TNS3: variants seen among roughly 807,000 people sequenced by gnomAD.
TNS3 encodes the protein tensin 3, also known as tensin-3.
In TNS3, 45 loss-of-function variants were observed where a neutral mutation model predicts 140.9. The observed-to-expected ratio is 0.32, with a 90% CI of 0.25 to 0.41. The LOEUF is 0.41. Among genes scored for constraint, TNS3 ranks in the 10% least tolerant of loss-of-function variants. The pLI is 1.00. For missense variants in TNS3, 1,716 were observed against 1,906.7 expected (o/e 0.90, Z 1.86); for synonymous variants, 815 against 788.4 (o/e 1.03, Z -0.56).
At chr7:47,329,532 A>G (rs748427093) in intron 20 of TNS3, among the ~76,000 whole-genome samples, 1 of 152,004 alleles carries the variant, frequency 6.6e-6, no homozygotes, top group Non-Finnish European at 1.5e-5. Flanking sequence ...CCTCAGGGCC[A>G]CCGCTCCGCA....
chr7:47,475,615 T>C (rs1797166785), intron 4 of TNS3, among the ~76,000 whole-genome samples: 1 of 152,186 alleles, frequency 6.6e-6, no homozygotes, highest in Non-Finnish European at 1.5e-5. Flanking sequence ...GTCCCATACA[T>C]GGCCTCGGGG....
chr7:47,564,558 C>G (rs1053308037), intron 1 of TNS3, among the ~76,000 whole-genome samples: 2 of 148,192 alleles, frequency 1.3e-5, no homozygotes, highest in Admixed American at 1.4e-4. Context: ...ATAGCTTGAA[C>G]CCAGGACGCA....
chr7:47,278,074 T>G lies in TNS3; in HGVS notation c.*2A>C. On this transcript the variant is annotated 3_prime_UTR_variant, in exon 31 of 31. Transcript: ENST00000311160. ...GGTGGGTCCAGGGAGGGAGGGGAGT[T>G]CTCAGACCTTCTTTGGGGAACCAAT... 3 of 1,613,962 alleles carry G rather than the reference T, an allele frequency of 1.9e-6. No homozygotes were observed. The highest frequency in any genetic ancestry group is 2.5e-6 in the Non-Finnish European group (3 of 1,179,916).
intron 2 of TNS3, 58 bp from the exon 3 acceptor site, chr7:47,507,002 T>C (rs1584787929): frequency 8.0e-7 from 1 of 1,252,924 alleles, no homozygotes; most frequent in Non-Finnish European, 1.0e-6. Context: ...GCAAGAATTC[T>C]TACATCTTCA....
rs183180847 is a variant in TNS3, at chr7:47,456,643, T to C, written c.-75-14588A>G. Among the ~76,000 whole-genome samples, 261 of 152,136 alleles carry C rather than the reference T, an allele frequency of 1.7e-3. 3 individuals are homozygous for C. The highest frequency in any genetic ancestry group is 5.9e-3 in the African/African-American group (243 of 41,482). ...GGAAGACAAGGCCAACAGACCCAGG[T>C]CCCCTGAAGCTGAGGAGGTAAATGA... On this transcript the variant is annotated intron_variant, in intron 4 of 30. Coordinates refer to ENST00000311160, the MANE Select transcript of TNS3 (RefSeq NM_022748.12).
chr7:47,344,663 T>A, intron 20 of TNS3, 92 bp downstream of exon 20: 1 of 1,151,970 alleles, frequency 8.7e-7, no homozygotes, highest in Non-Finnish European at 1.3e-6. Flanking sequence ...ATGGAAACAT[T>A]TCTGCATACG....
At chr7:47,551,389 G>C (rs1800057358) in intron 1 of TNS3, among the ~76,000 whole-genome samples, 1 of 152,204 alleles carries the variant, frequency 6.6e-6, no homozygotes, top group Admixed American at 6.5e-5. Flanking sequence ...TTAAGCAAAT[G>C]GGGAGACCAC....
chr7:47,440,418 G>T (rs2151569193), intron 5 of TNS3, among the ~76,000 whole-genome samples: 1 of 152,324 alleles, frequency 6.6e-6, no homozygotes, highest in African/African-American at 2.4e-5. Context: ...GTAGAATGTG[G>T]GGCTGGCCAC....
chr7:47,549,546 C>A (rs1318490450), intron 1 of TNS3, among the ~76,000 whole-genome samples: 4 of 152,136 alleles, frequency 2.6e-5, no homozygotes. Flanking sequence ...CTAGCCCCTG[C>A]CTGTCTCTGG....
intron 17 of TNS3, among the ~76,000 whole-genome samples, chr7:47,350,285 G>C (rs951919695): frequency 6.6e-6 from 1 of 152,206 alleles, no homozygotes; most frequent in Non-Finnish European, 1.5e-5. Flanking sequence ...GTCCTGATGG[G>C]GCAGCCAGCA....
intron 2 of TNS3, among the ~76,000 whole-genome samples, chr7:47,507,348 T>C (rs1461387338): frequency 1.3e-5 from 2 of 152,180 alleles, no homozygotes; most frequent in East Asian, 3.9e-4. Context: ...CCAGAAATTA[T>C]AGCTGATCCC....
At chr7:47,291,183 G>C (rs1785678201) in intron 27 of TNS3, among the ~76,000 whole-genome samples, 1 of 152,106 alleles carries the variant, frequency 6.6e-6, no homozygotes, top group Non-Finnish European at 1.5e-5. Flanking sequence ...GTGGGGGAGG[G>C]AGAACGAACA....
Position 47,278,024 on chromosome 7 carries a change from T to G in TNS3, c.*52A>C, listed in dbSNP as rs761384083. 6.2e-7 allele frequency: 1 copy of G among 1,613,082 alleles called. No homozygotes were observed. The highest frequency in any genetic ancestry group is 1.1e-5 in the South Asian group (1 of 90,842). ...GGGGGCCCCACCCTCACCCAACGGC[T>G]GTCTCCAGGGCTTCGAGAGGCATCG... On this transcript the variant is annotated 3_prime_UTR_variant, in exon 31 of 31. Transcript: ENST00000311160.
At chr7:47,413,425 A>T (rs1056196165) in intron 12 of TNS3, among the ~76,000 whole-genome samples, 1 of 150,562 alleles carries the variant, frequency 6.6e-6, no homozygotes, top group Non-Finnish European at 1.5e-5. Context: ...TAATTTTTGT[A>T]TTTTTAGTAG....
chr7:47,568,090 G>C (rs998892097), intron 1 of TNS3, among the ~76,000 whole-genome samples: 1 of 152,198 alleles, frequency 6.6e-6, no homozygotes, highest in Non-Finnish European at 1.5e-5. Context: ...CCCTCTGAGA[G>C]GCTGCCCTGC....
chr7:47,573,146 G>A (rs1002617416), intron 1 of TNS3, among the ~76,000 whole-genome samples: 5 of 152,212 alleles, frequency 3.3e-5, no homozygotes, highest in African/African-American at 1.2e-4. Flanking sequence ...AAGAGACCAC[G>A]GCCCCAAGGA....
chr7:47,563,511 T>C (rs1232043394), intron 1 of TNS3, among the ~76,000 whole-genome samples: 1 of 152,160 alleles, frequency 6.6e-6, no homozygotes, highest in Non-Finnish European at 1.5e-5. Context: ...GCCAGGATGC[T>C]CATTCCCTCT....
chr7:47,530,836 A>ATATAT (rs1236106676), intron 1 of TNS3, among the ~76,000 whole-genome samples: 13 of 33,276 alleles, frequency 3.9e-4, no homozygotes, highest in African/African-American at 1.7e-3. Flanking sequence ...AAAAAAAAAA[A>ATATAT]AAATATATAT....
chr7:47,363,232 A>G (rs552858523), intron 17 of TNS3, among the ~76,000 whole-genome samples: 2,215 of 150,092 alleles, frequency 0.015, 55 homozygotes, highest in African/African-American at 0.048. Flanking sequence ...CATCATTACA[A>G]TCAACACCAC....
Sources: allele counts gnomAD v4.1 joint callset (sites outside exome capture counted in the v4.1 genomes callset), GRCh38; gene constraint gnomAD v4.1.1; transcripts MANE v1.5; gene names NCBI Gene and HGNC (gene_info 2026-07-23, HGNC 2026-07-21).